The following ALOXE3 variants were observed in gnomAD, a reference collection of about 807,000 sequenced individuals.
ALOXE3 encodes hydroperoxide isomerase ALOXE3.
In ALOXE3, 78 loss-of-function variants were observed where a neutral mutation model predicts 87.5. That is an observed-to-expected ratio of 0.89 (90% CI 0.74 to 1.08). The LOEUF is 1.08. Among genes scored for constraint, ALOXE3 ranks in the 50% least tolerant of loss-of-function variants. The pLI is 0.00. For missense variants in ALOXE3, 946 were observed against 912.4 expected (o/e 1.04, Z -0.47); for synonymous variants, 363 against 370.8 (o/e 0.98, Z 0.24).
chr17:8,109,977 G>C lies in ALOXE3; in HGVS notation c.1331C>G (p.Thr444Arg), dbSNP rs753562107. 1 of 1,552,384 alleles carries C rather than the reference G, an allele frequency of 6.4e-7. No homozygotes were observed. Among genetic ancestry groups the C allele is most frequent in the Non-Finnish European group, 8.7e-7 (1 of 1,147,442 alleles). The stretch of plus-strand genomic sequence containing the variant: ...CCTCGCGATGGTGTTCACCTGCAGC[G>C]TGTATCGAGTGTGGGGGAGTAGGAG... ...YKLLLPHTRYTLQVNTIARAT... is the reference protein window; with the variant it reads ...YKLLLPHTRYRLQVNTIARAT... Residue 444 changes from threonine (T) to arginine (R), a missense_variant, in exon 11 of 16, where the codon ACG becomes AGG. Physicochemically the swap from Thr to Arg is moderately conservative, Grantham distance 71 (BLOSUM62 -1). Coordinates refer to ENST00000448843, the MANE Select transcript of ALOXE3 (RefSeq NM_021628.3).
Position 8,114,616 on chromosome 17 carries a change from G to A in ALOXE3, c.555-7C>T. On this transcript the variant is annotated splice_polypyrimidine_tract_variant and splice_region_variant and intron_variant, in intron 5 of 15. Transcript: ENST00000448843. ...CAGGTACCGATTCCCACTGCTGGGG[G>A]TCGGGGGAGTAGAAAGACAGAAACC... 1 of 1,613,970 alleles carries A rather than the reference G, an allele frequency of 6.2e-7. No homozygotes were observed. The highest frequency in any genetic ancestry group is 8.5e-7 in the Non-Finnish European group (1 of 1,179,974).
chr17:8,111,400 G>T lies in ALOXE3; in HGVS notation c.916C>A (p.Pro306Thr). 6.2e-7 allele frequency: 1 copy of T among 1,613,848 alleles called. No homozygotes were observed. Among genetic ancestry groups the T allele is most frequent in the South Asian group, 1.1e-5 (1 of 91,058 alleles). The change falls in exon 8 of 16, where the codon CCC becomes ACC. Residue 306 changes from proline (P) to threonine (T), a missense_variant. By Grantham distance (38) the Pro-to-Thr change is conservative (BLOSUM62 -1). Transcript: ENST00000448843. ...AGGCATGTGTCCTGTCCCAGCAAGG[G>T]GGCCACCATGTCATTGGTGACAGGC... is the stretch of plus-strand genomic sequence containing the variant. Reference protein sequence around the residue: ...KLPVTNDMVAPLLGQDTCLQT... With the variant: ...KLPVTNDMVATLLGQDTCLQT...
At chr17:8,118,460 C>G in intron 1 of ALOXE3, 26 bp downstream of exon 1, 1 of 1,549,840 alleles carries the variant, frequency 6.5e-7, no homozygotes, top group Non-Finnish European at 8.7e-7. Context: ...CCTCCCCATT[C>G]CCAGGCAGAG....
At chr17:8,098,343 AT>A (rs35859640) in intron 15 of ALOXE3, among the ~76,000 whole-genome samples, 49,393 of 143,236 alleles carry the variant, frequency 0.34, 8,649 homozygotes, top group East Asian at 0.63. Context: ...GGATCAAGTG[AT>A]TTCTCCTGCC....
Position 8,114,564 on chromosome 17 carries a change from G to A in ALOXE3, c.600C>T (p.Ile200=). ...TGGGCTCCATGTACATCAGGGATGGGATGTCAATTTTCATGGGGAAGCCGG... is the reference window on the plus strand; with the variant it reads ...TGGGCTCCATGTACATCAGGGATGGAATGTCAATTTTCATGGGGAAGCCGG... ...YLPGFPMKID[I]PSLMYMEPNV... The change falls in exon 6 of 16, where the codon ATC becomes ATT. Residue 200 remains isoleucine, a synonymous_variant. Coordinates refer to ENST00000448843, the MANE Select transcript of ALOXE3 (RefSeq NM_021628.3). The A allele has an allele frequency of 6.2e-7, 1 of 1,614,038 alleles. No homozygotes were observed. The highest frequency in any genetic ancestry group is 8.5e-7 in the Non-Finnish European group (1 of 1,179,976).
At chr17:8,106,795 A>G (rs1979347447) in intron 13 of ALOXE3, among the ~76,000 whole-genome samples, 1 of 152,166 alleles carries the variant, frequency 6.6e-6, no homozygotes, top group Admixed American at 6.5e-5. Context: ...TAAATACTGT[A>G]TGTGACTCTA....
At chr17:8,097,809 G>A (rs1368538502) in intron 15 of ALOXE3, among the ~76,000 whole-genome samples, 8 of 149,536 alleles carry the variant, frequency 5.3e-5, no homozygotes, top group Middle Eastern at 3.4e-3. Flanking sequence ...GTGCAGTGGC[G>A]CGATCTCGGC....
In ALOXE3 at chr17:8,109,137, C is replaced by CCTGGTGGGA; in HGVS notation, c.1562+28_1562+36dup. On this transcript the variant is annotated intron_variant, in intron 12 of 15. Coordinates refer to ENST00000448843, the MANE Select transcript of ALOXE3 (RefSeq NM_021628.3). ...ACCACAATGTCCCAGGCCAGGAGAC[C>CCTGGTGGGA]CTGGTGGGACTGCTGGTCCCGCCCC... 1.9e-6 allele frequency: 3 copies of CCTGGTGGGA among 1,609,694 alleles called. No individual in the cohort carries two copies. The Middle Eastern group carries it at 4.9e-4, about 266-fold the overall frequency.
rs556237532 is a variant in ALOXE3 at position 8,111,300 on chromosome 17, C to G, written c.957+59G>C. 21 of 1,600,348 alleles carry G rather than the reference C, an allele frequency of 1.3e-5. No individual in the cohort carries two copies. The Admixed American group carries it at 2.3e-4, about 18-fold the overall frequency. ...ATACCCTCCACACACATCCCTTGTC[C>G]ATAATGGTGACACACCCACCTCCCA... On this transcript the variant is annotated intron_variant, in intron 8 of 15. Coordinates refer to ENST00000448843, the MANE Select transcript of ALOXE3 (RefSeq NM_021628.3).
At chr17:8,105,046 A>G (rs146554639) in intron 13 of ALOXE3, among the ~76,000 whole-genome samples, 9 of 152,120 alleles carry the variant, frequency 5.9e-5, no homozygotes, top group Non-Finnish European at 1.0e-4. Context: ...CCACCTAAGC[A>G]TCTACACCAC....
rs1158540686 is a variant in ALOXE3 at position 8,110,537 on chromosome 17, G to A, written c.958-9C>T. On this transcript the variant is annotated splice_polypyrimidine_tract_variant and intron_variant, in intron 8 of 15. Transcript: ENST00000448843. Reference sequence around the variant, plus strand: ...AGGAAGATGTTCCCCCTCTGCAGAAGGCACACAGAGGCTGAGTGTCCCTCC... The same window carrying A: ...AGGAAGATGTTCCCCCTCTGCAGAAAGCACACAGAGGCTGAGTGTCCCTCC... The A allele has an allele frequency of 6.2e-7, 1 of 1,613,688 alleles. No individual in the cohort carries two copies. Among genetic ancestry groups the A allele is most frequent in the African/African-American group, 1.3e-5 (1 of 75,016 alleles).
In ALOXE3 at chr17:8,107,967, A is replaced by AAG. The variant is rs1555647060; in HGVS notation, c.1684+500_1684+501insCT. 9.4e-4 allele frequency among the ~76,000 whole-genome samples: 15 copies of AAG among 15,942 alleles called. 6 individuals carry two copies. The highest frequency in any genetic ancestry group is 1.9e-3 in the Non-Finnish European group (13 of 6,702). 10.5% of individuals were successfully genotyped at this position (15,942 alleles called of 152,430 possible). ...AAAGAAAGAAAGAAAGAAAGGAAGG[A>AAG]GAGAGAGAGAGAGAGAAAGAAAGAA... On this transcript the variant is annotated intron_variant, in intron 13 of 15. Coordinates refer to ENST00000448843, the MANE Select transcript of ALOXE3 (RefSeq NM_021628.3).
chr17:8,103,540 T>C (rs745541870), intron 14 of ALOXE3, 47 bp from the exon 15 acceptor site: 54 of 1,595,606 alleles, frequency 3.4e-5, no homozygotes, highest in Middle Eastern at 1.9e-4. Context: ...AGAAGGGGAG[T>C]ATCACCTCCC....
chr17:8,107,814 AAAGAAAGAAAGAAAGAAAGAAAGAAAG>A (rs1979456744), intron 13 of ALOXE3, among the ~76,000 whole-genome samples: 2 of 2,246 alleles, frequency 8.9e-4, no homozygotes, highest in African/African-American at 1.4e-3. Context: ...AAAAAACAAG[AAAGAAAGAAAGAAAGAAAGAAAGAAAG>A]AAAGAAAGAA....
Position 8,106,623 on chromosome 17 carries a change from T to C in ALOXE3, c.1684+1845A>G, listed in dbSNP as rs542690854. ...TGCCTATTTTTCCCCCATTGGAATA[T>C]GGAACCTGACCGAAATGGTGAAAGA... On this transcript the variant is annotated intron_variant, in intron 13 of 15. Coordinates refer to ENST00000448843, the MANE Select transcript of ALOXE3 (RefSeq NM_021628.3). Among the ~76,000 whole-genome samples the C allele has an allele frequency of 3.2e-4, 48 of 152,284 alleles. 1 individual carries two copies. The South Asian group carries it at 9.5e-3, about 30-fold the overall frequency.
rs969088394 is a variant in ALOXE3, at chr17:8,111,224, G to A, written c.957+135C>T. 16 of 1,114,950 alleles carry A rather than the reference G, an allele frequency of 1.4e-5. No individual in the cohort carries two copies. In the African/African-American group the frequency reaches 1.8e-4, roughly 13 times the overall value. 69.1% of individuals were successfully genotyped at this position (1,114,950 alleles called of 1,614,324 possible). ...CTCTACTTAAAGTGTGCAGGACCAT[G>A]GCTGCCCAGAGGATGAGGCCCACAG... On this transcript the variant is annotated intron_variant, in intron 8 of 15. Transcript: ENST00000448843.
chr17:8,116,956 T>C lies in ALOXE3; in HGVS notation c.172A>G (p.Thr58Ala), dbSNP rs1034746626. The stretch of plus-strand genomic sequence containing the variant: ...AGCAAGAGCTCACCCAGCTCCGCTG[T>C]GCAACGCACCTTGTACTTCTGTACC... ...GSVQKYKVRCTAELGELLLLR... is the reference protein window; with the variant it reads ...GSVQKYKVRCAAELGELLLLR... Residue 58 changes from threonine (T) to alanine (A), a missense_variant, in exon 3 of 16, where the codon ACA becomes GCA. By Grantham distance (58) the Thr-to-Ala change is moderately conservative. Transcript: ENST00000448843. 2 of 1,613,974 alleles carry C rather than the reference T, an allele frequency of 1.2e-6. No individual in the cohort carries two copies. The highest frequency in any genetic ancestry group is 2.7e-5 in the African/African-American group (2 of 74,950).
In ALOXE3 at chr17:8,116,888, G is replaced by A; in HGVS notation, c.240C>T (p.Asp80=). The A allele has an allele frequency of 1.2e-6, 2 of 1,614,260 alleles. No individual in the cohort carries two copies. The highest frequency in any genetic ancestry group is 1.7e-6 in the Non-Finnish European group (2 of 1,180,042). Residue 80 remains aspartate, a synonymous_variant, in exon 3 of 16, where the codon GAC becomes GAT. Coordinates refer to ENST00000448843, the MANE Select transcript of ALOXE3 (RefSeq NM_021628.3). ...CACAGATGCGGCTACAGTACCAAGA[G>A]TCCTTGCGGAAGAAAGCGTAGCGCT... ...HKERYAFFRK[D]SWYCSRICVT... is the part of the protein sequence containing the mutation.
rs1979551306 is a variant in ALOXE3 at position 8,107,928 on chromosome 17, A to AT, written c.1684+539_1684+540insA. On this transcript the variant is annotated intron_variant, in intron 13 of 15. Coordinates refer to ENST00000448843, the MANE Select transcript of ALOXE3 (RefSeq NM_021628.3). ...AAGAAAGAAAGAAAGAAAGAAAGAA[A>AT]GAAAGAAAGAAAGAAAGAAAGAAAG... 3.3e-4 allele frequency among the ~76,000 whole-genome samples: 2 copies of AT among 6,096 alleles called. 1 individual carries two copies. Among genetic ancestry groups the AT allele is most frequent in the African/African-American group, 1.7e-3 (2 of 1,192 alleles). The allele number at this position is 6,096 out of a possible 152,430, so 4.0% of individuals were successfully genotyped here.
Sources: gnomAD v4.1 joint callset for allele counts (sites outside exome capture counted in the v4.1 genomes callset) on GRCh38, gnomAD v4.1.1 for gene constraint, MANE v1.5 for transcripts, NCBI Gene and HGNC (gene_info 2026-07-23, HGNC 2026-07-21) for gene names.